STPG2: variants seen among roughly 807,000 people sequenced by gnomAD.
STPG2 encodes sperm-tail PG-rich repeat-containing protein 2.
Under a neutral mutation model 54.2 loss-of-function variants are expected in STPG2, and 56 were observed. The observed-to-expected ratio is 1.03, with a 90% CI of 0.83 to 1.29. STPG2 has a LOEUF of 1.29. Among genes scored for constraint, STPG2 ranks in the 50% most tolerant of loss-of-function variants. The pLI is 0.00. For synonymous variants in STPG2, 200 were observed against 181.8 expected (o/e 1.10, Z -0.81); for missense variants, 596 against 544.9 (o/e 1.09, Z -0.93).
intron 9 of STPG2, among the ~76,000 whole-genome samples, chr4:97,744,232 T>C (rs1163126116): frequency 1.3e-5 from 2 of 151,392 alleles, no homozygotes; most frequent in South Asian, 4.1e-4. Flanking sequence ...CCTATAAAAA[T>C]AATTTCATTT....
chr4:97,639,524 G>A (rs181852714), intron 10 of STPG2, among the ~76,000 whole-genome samples: 148 of 150,946 alleles, frequency 9.8e-4, no homozygotes, highest in African/African-American at 2.8e-3. Context: ...AAAAAAAACT[G>A]ATTCACGTAA....
chr4:97,618,780 T>C (rs1036231606), intron 10 of STPG2, among the ~76,000 whole-genome samples: 2 of 152,224 alleles, frequency 1.3e-5, no homozygotes, highest in African/African-American at 4.8e-5. Context: ...GCTGTGTATT[T>C]TATTCTCTTT....
chr4:97,984,800 T>TTTCCATGGTGTAAA (rs1210934351), intron 5 of STPG2, among the ~76,000 whole-genome samples: 4 of 21,216 alleles, frequency 1.9e-4, no homozygotes. Flanking sequence ...CATTTGCTGA[T>TTTCCATGGTGTAAA]TACCCGCAAC....
In STPG2 at chr4:97,737,675, G is replaced by T. The variant is rs1408370196; in HGVS notation, c.1205-24861C>A. Among the ~76,000 whole-genome samples, 5 of 152,120 alleles carry T rather than the reference G, an allele frequency of 3.3e-5. No homozygotes were observed. The South Asian group carries it at 1.0e-3, about 32-fold the overall frequency. On this transcript the variant is annotated intron_variant, in intron 9 of 10. Coordinates refer to ENST00000295268, the MANE Select transcript of STPG2 (RefSeq NM_174952.3). ...AAGCTTAGAGAAAAAAAAATAAAAA[G>T]AAACAAACAAAGCATTCAAGAAATA... is the stretch of plus-strand genomic sequence containing the variant.
intron 10 of STPG2, among the ~76,000 whole-genome samples, chr4:97,603,404 C>T (rs1432948957): frequency 6.6e-6 from 1 of 151,434 alleles, no homozygotes; most frequent in Non-Finnish European, 1.5e-5. Context: ...AACAGTATGG[C>T]TGTTACTTAA....
chr4:97,603,704 G>T (rs535466707), intron 10 of STPG2, among the ~76,000 whole-genome samples: 1 of 151,644 alleles, frequency 6.6e-6, no homozygotes, highest in African/African-American at 2.4e-5. Flanking sequence ...AACCTTGAGG[G>T]TCTCATGGTA....
At chr4:97,849,427 C>T (rs868538712) in intron 8 of STPG2, among the ~76,000 whole-genome samples, 1 of 151,768 alleles carries the variant, frequency 6.6e-6, no homozygotes, top group Non-Finnish European at 1.5e-5. Flanking sequence ...AATAGGATCT[C>T]ATTAAACTAA....
At chr4:97,593,098 G>T (rs900867891) in intron 10 of STPG2, among the ~76,000 whole-genome samples, 6 of 152,106 alleles carry the variant, frequency 3.9e-5, no homozygotes, top group African/African-American at 1.4e-4. Flanking sequence ...GTCCCAGCCT[G>T]GCCACACCTA....
intron 9 of STPG2, among the ~76,000 whole-genome samples, chr4:97,833,708 A>T (rs903296998): frequency 2.0e-5 from 3 of 152,244 alleles, no homozygotes; most frequent in Non-Finnish European, 4.4e-5. Context: ...ATAAACAGAC[A>T]CTTCTCAAAA....
At chr4:97,488,596 G>A (rs911900466) in intron 4 of STPG2, among the ~76,000 whole-genome samples, 2 of 151,686 alleles carry the variant, frequency 1.3e-5, no homozygotes, top group African/African-American at 2.4e-5. Flanking sequence ...TAGGTGAGAG[G>A]AGTGGGTAAG....
At chr4:98,086,577 A>T (rs780599492) in intron 5 of STPG2, among the ~76,000 whole-genome samples, 1 of 151,680 alleles carries the variant, frequency 6.6e-6, no homozygotes, top group East Asian at 1.9e-4. Context: ...CACTACCTGA[A>T]TCCAAATATT....
At chr4:97,449,755 T>C (rs1729317806) in intron 4 of STPG2, among the ~76,000 whole-genome samples, 1 of 152,194 alleles carries the variant, frequency 6.6e-6, no homozygotes, top group South Asian at 2.1e-4. Context: ...ATTTATAGTT[T>C]TTCATTGACT....
intron 8 of STPG2, among the ~76,000 whole-genome samples, chr4:97,911,671 C>A (rs1731681848): frequency 6.6e-6 from 1 of 152,174 alleles, no homozygotes; most frequent in Non-Finnish European, 1.5e-5. Flanking sequence ...AGGGTTTTAC[C>A]AGACAGAACT....
rs118139106 is a variant in STPG2 at position 97,576,371 on chromosome 4, C to T, written c.1321-17254G>A. Among the ~76,000 whole-genome samples the T allele has an allele frequency of 1.3e-3, 193 of 151,138 alleles. 6 individuals are homozygous for T. The East Asian group carries it at 0.037, about 29-fold the overall frequency. ...CATTACCTGACTACAAGCCATACTA[C>T]GAGGCTATGGTAACCAAAACAGCAT... On this transcript the variant is annotated intron_variant, in intron 10 of 10. Coordinates refer to ENST00000295268, the MANE Select transcript of STPG2 (RefSeq NM_174952.3).
chr4:97,473,101 T>A (rs928054802), intron 4 of STPG2, among the ~76,000 whole-genome samples: 21 of 151,940 alleles, frequency 1.4e-4, no homozygotes, highest in Non-Finnish European at 2.8e-4. Context: ...GTATGTCACC[T>A]CAGGACCCTG....
intron 7 of STPG2, among the ~76,000 whole-genome samples, chr4:97,950,501 A>G (rs190462685): frequency 6.6e-6 from 1 of 152,204 alleles, no homozygotes; most frequent in Admixed American, 6.5e-5. Flanking sequence ...GATTTTTTCA[A>G]AATTTCTTTA....
intron 5 of STPG2, among the ~76,000 whole-genome samples, chr4:98,018,450 C>T (rs1011483607): frequency 4.6e-5 from 7 of 152,172 alleles, no homozygotes; most frequent in South Asian, 2.1e-4. Context: ...CAAGTCTTTG[C>T]GATTGTGAGT....
At chr4:97,783,890 G>GCGGA (rs900031998) in intron 9 of STPG2, among the ~76,000 whole-genome samples, 11 of 151,906 alleles carry the variant, frequency 7.2e-5, no homozygotes, top group Non-Finnish European at 1.6e-4. Flanking sequence ...GACACAGGAA[G>GCGGA]CGGAACATCA....
At chr4:97,829,098 T>A (rs954414317) in intron 9 of STPG2, among the ~76,000 whole-genome samples, 1 of 152,080 alleles carries the variant, frequency 6.6e-6, no homozygotes, top group South Asian at 2.1e-4. Flanking sequence ...CGAGTAGGGG[T>A]CGACAGACAC....
Sources: gnomAD v4.1 joint callset for allele counts (sites outside exome capture counted in the v4.1 genomes callset) on GRCh38, gnomAD v4.1.1 for gene constraint, MANE v1.5 for transcripts, NCBI Gene and HGNC (gene_info 2026-07-23, HGNC 2026-07-21) for gene names.